GALNT18: variants seen among roughly 807,000 people sequenced by gnomAD.
GALNT18 encodes the protein polypeptide N-acetylgalactosaminyltransferase 18.
GALNT18 carries 44 observed loss-of-function variants against 69.5 expected under a neutral mutation model. The ratio of observed to expected loss-of-function variants is 0.63; its 90% confidence interval spans 0.50 to 0.81. GALNT18 has a LOEUF of 0.81. Ranked by LOEUF, GALNT18 falls within the 40% of genes least tolerant of loss-of-function variation. The pLI, the probability that GALNT18 is intolerant of heterozygous loss-of-function variation, is 0.00. For missense variants in GALNT18, 715 were observed against 810.0 expected (o/e 0.88, Z 1.42); for synonymous variants, 364 against 318.2 (o/e 1.14, Z -1.53).
At chr11:11,302,666 G>T (rs1025339023) in intron 9 of GALNT18, among the ~76,000 whole-genome samples, 7 of 152,242 alleles carry the variant, frequency 4.6e-5, no homozygotes, top group African/African-American at 1.4e-4. Context: ...AGCGGTTGAA[G>T]AATTGGGCTT....
intron 1 of GALNT18, among the ~76,000 whole-genome samples, chr11:11,594,071 C>T (rs576790466): frequency 8.9e-4 from 136 of 152,318 alleles, no homozygotes; most frequent in African/African-American, 3.1e-3. Context: ...GTGCCAGACT[C>T]TGTGTATGTG....
intron 1 of GALNT18, among the ~76,000 whole-genome samples, chr11:11,513,363 C>T (rs530236011): frequency 6.6e-6 from 1 of 152,310 alleles, no homozygotes; most frequent in South Asian, 2.1e-4. Context: ...ACTTCCTGTC[C>T]CTTGCTCTGT....
intron 6 of GALNT18, among the ~76,000 whole-genome samples, chr11:11,343,873 C>G (rs1564902619): frequency 6.6e-6 from 1 of 152,202 alleles, no homozygotes; most frequent in Non-Finnish European, 1.5e-5. Context: ...GGTGGTGCGG[C>G]TCCTCCCATC....
At position 11,337,865 on chromosome 11, in the gene GALNT18, A is replaced by G. The variant is rs892414176; in HGVS notation, c.1278+2954T>C. On this transcript the variant is annotated intron_variant, in intron 7 of 10. Transcript: ENST00000227756. This position sits in a 1 kb window ranked among gnomAD's most constrained non-coding sequence, Gnocchi z 4.9. ...GGATTAAAATACAGGCAGTGGGGTT[A>G]AAATACAGGCAGAGGAGAAAGCATG... 6.6e-6 allele frequency among the ~76,000 whole-genome samples: 1 copy of G among 152,184 alleles called. No homozygotes were observed. Among genetic ancestry groups the G allele is most frequent in the Admixed American group, 6.5e-5 (1 of 15,276 alleles).
chr11:11,418,354 C>T (rs532667792), intron 3 of GALNT18, among the ~76,000 whole-genome samples: 28 of 152,214 alleles, frequency 1.8e-4, no homozygotes, highest in Non-Finnish European at 3.7e-4. Flanking sequence ...GTAAATATGC[C>T]TGGCACAGTG....
In GALNT18 at chr11:11,432,783, G is replaced by T; in HGVS notation, c.433C>A (p.Arg145Ser). ...PLPDLRPSGC[R>S]NLSFPDSLPE... ...AGGCTGTCAGGAAATGAGAGGTTAC[G>T]GCACCTGCAAAGAACAGCCAAGCGC... Residue 145 changes from arginine to serine, a missense_variant, in exon 3 of 11, where the codon CGT becomes AGT. Physicochemically the swap from Arg to Ser is moderately radical, Grantham distance 110. Coordinates refer to ENST00000227756, the MANE Select transcript of GALNT18 (RefSeq NM_198516.3). The surrounding 1 kb of genome is among the most constrained non-coding windows in gnomAD (Gnocchi z 5.8). 1 of 1,613,650 alleles carries T rather than the reference G, an allele frequency of 6.2e-7. No homozygotes were observed. Among genetic ancestry groups the T allele is most frequent in the Non-Finnish European group, 8.5e-7 (1 of 1,179,680 alleles).
chr11:11,597,484 A>G (rs1010629772), intron 1 of GALNT18, among the ~76,000 whole-genome samples: 1 of 152,040 alleles, frequency 6.6e-6, no homozygotes, highest in African/African-American at 2.4e-5. Context: ...AGGCCTATTT[A>G]TATGTTCTAT....
At chr11:11,336,073 G>C (rs573577439) in intron 7 of GALNT18, among the ~76,000 whole-genome samples, 13 of 152,308 alleles carry the variant, frequency 8.5e-5, no homozygotes, top group Non-Finnish European at 1.6e-4. Context: ...CTTGTAGCCA[G>C]ACTTAAAGGA....
chr11:11,556,348 C>T lies in GALNT18; in HGVS notation c.235+65011G>A, dbSNP rs997961417. Among the ~76,000 whole-genome samples, 3 of 152,336 alleles carry T rather than the reference C, an allele frequency of 2.0e-5. No individual in the cohort carries two copies. The East Asian group carries it at 5.8e-4, about 29-fold the overall frequency. ...TTTGCCCTATACCGGGCAGCCGTGA[C>T]AGTAGCGTGAAGTGCCACGTCTAGG... On this transcript the variant is annotated intron_variant, in intron 1 of 10. Coordinates refer to ENST00000227756, the MANE Select transcript of GALNT18 (RefSeq NM_198516.3).
intron 9 of GALNT18, among the ~76,000 whole-genome samples, chr11:11,321,574 A>C (rs550473134): frequency 2.0e-5 from 3 of 152,126 alleles, no homozygotes; most frequent in Non-Finnish European, 4.4e-5. Context: ...ATAGTAACTC[A>C]GTGATGCTCC....
In GALNT18 at chr11:11,618,507, C is replaced by G. The variant is rs918521075; in HGVS notation, c.235+2852G>C. Among the ~76,000 whole-genome samples the G allele has an allele frequency of 2.0e-5, 3 of 152,164 alleles. No individual in the cohort carries two copies. The highest frequency in any genetic ancestry group is 4.4e-5 in the Non-Finnish European group (3 of 68,030). On this transcript the variant is annotated intron_variant, in intron 1 of 10. Coordinates refer to ENST00000227756, the MANE Select transcript of GALNT18 (RefSeq NM_198516.3). This position sits in a 1 kb window ranked among gnomAD's most constrained non-coding sequence, Gnocchi z 6.1. ...GTGGGAAGGCTGCTGACTCCCTCAC[C>G]CCTCAGCCATCCTCTGACACCCACT...
chr11:11,396,198 C>T lies in GALNT18; in HGVS notation c.596-16934G>A, dbSNP rs528059160. On this transcript the variant is annotated intron_variant, in intron 3 of 10. Coordinates refer to ENST00000227756, the MANE Select transcript of GALNT18 (RefSeq NM_198516.3). This position sits in a 1 kb window ranked among gnomAD's most constrained non-coding sequence, Gnocchi z 5.2. ...GATACATTCATTGCTTTTTTCTCACCGAATTTGAAAGAGCAAAGAACTGGC... is the reference window on the plus strand; with the variant it reads ...GATACATTCATTGCTTTTTTCTCACTGAATTTGAAAGAGCAAAGAACTGGC... Among the ~76,000 whole-genome samples the T allele has an allele frequency of 1.0e-3, 157 of 152,268 alleles. No homozygotes were observed. The highest frequency in any genetic ancestry group is 1.8e-3 in the Non-Finnish European group (121 of 68,012).
In GALNT18 at chr11:11,590,640, A is replaced by C. The variant is rs1859334779; in HGVS notation, c.235+30719T>G. Reference sequence around the variant, plus strand: ...TGTCTGCTCAACAAGGATGCTGTGAAGATTGACTTGAATCTTGTACAGTCA... The same window carrying C: ...TGTCTGCTCAACAAGGATGCTGTGACGATTGACTTGAATCTTGTACAGTCA... On this transcript the variant is annotated intron_variant, in intron 1 of 10. Coordinates refer to ENST00000227756, the MANE Select transcript of GALNT18 (RefSeq NM_198516.3). This position sits in a 1 kb window ranked among gnomAD's most constrained non-coding sequence, Gnocchi z 4.4. Among the ~76,000 whole-genome samples, 1 of 152,186 alleles carries C rather than the reference A, an allele frequency of 6.6e-6. No homozygotes were observed. Among genetic ancestry groups the C allele is most frequent in the South Asian group, 2.1e-4 (1 of 4,828 alleles).
rs1021060134 is a variant in GALNT18, at chr11:11,480,723, C to G, written c.236-31787G>C. Reference sequence around the variant, plus strand: ...TCTTCCCTGACTCTCCAGATGAGTCCCTTCATCCCTGTATCAGCACTTCTC... The same window carrying G: ...TCTTCCCTGACTCTCCAGATGAGTCGCTTCATCCCTGTATCAGCACTTCTC... On this transcript the variant is annotated intron_variant, in intron 1 of 10. Coordinates refer to ENST00000227756, the MANE Select transcript of GALNT18 (RefSeq NM_198516.3). The surrounding 1 kb of genome is among the most constrained non-coding windows in gnomAD (Gnocchi z 4.6). Among the ~76,000 whole-genome samples, 3 of 152,160 alleles carry G rather than the reference C, an allele frequency of 2.0e-5. No individual in the cohort carries two copies. The South Asian group carries it at 6.2e-4, about 32-fold the overall frequency.
chr11:11,508,436 TTA>T, intron 1 of GALNT18, among the ~76,000 whole-genome samples: 1 of 152,326 alleles, frequency 6.6e-6, no homozygotes, highest in Admixed American at 6.5e-5. Flanking sequence ...GTTTGCCCCA[TTA>T]TTGGTAATTC....
At chr11:11,535,139 C>A (rs1005192096) in intron 1 of GALNT18, among the ~76,000 whole-genome samples, 10 of 152,210 alleles carry the variant, frequency 6.6e-5, no homozygotes, top group Admixed American at 6.5e-4. Flanking sequence ...GGCTCTCAGC[C>A]CACAGTGCAG....
rs765049467 is a variant in GALNT18, at chr11:11,587,275, T to C, written c.235+34084A>G. Among the ~76,000 whole-genome samples, 15 of 152,330 alleles carry C rather than the reference T, an allele frequency of 9.8e-5. No individual in the cohort carries two copies. The highest frequency in any genetic ancestry group is 2.1e-4 in the South Asian group (1 of 4,818). ...CTCACTTTCTCAGAAATGAGGAAACTTGGAGGCAATTTGAGACTTGGGCTG... is the reference window on the plus strand; with the variant it reads ...CTCACTTTCTCAGAAATGAGGAAACCTGGAGGCAATTTGAGACTTGGGCTG... On this transcript the variant is annotated intron_variant, in intron 1 of 10. Coordinates refer to ENST00000227756, the MANE Select transcript of GALNT18 (RefSeq NM_198516.3). This position sits in a 1 kb window ranked among gnomAD's most constrained non-coding sequence, Gnocchi z 4.4.
chr11:11,327,600 C>T (rs191119770), intron 8 of GALNT18, among the ~76,000 whole-genome samples: 7 of 152,352 alleles, frequency 4.6e-5, no homozygotes, highest in Admixed American at 2.0e-4. Context: ...TGGGACCAGA[C>T]GCTCTCTGCC....
chr11:11,312,546 G>A (rs1372865675), intron 9 of GALNT18, among the ~76,000 whole-genome samples: 1 of 152,174 alleles, frequency 6.6e-6, no homozygotes, highest in African/African-American at 2.4e-5. Flanking sequence ...GGGTTGTCTT[G>A]CTGTGGCAGA....
Sources: gnomAD v4.1 joint callset for allele counts (sites outside exome capture counted in the v4.1 genomes callset) on GRCh38, gnomAD v4.1.1 for gene constraint, Gnocchi (gnomAD v3.1) non-coding constraint, MANE v1.5 for transcripts, NCBI Gene and HGNC (gene_info 2026-07-23, HGNC 2026-07-21) for gene names.